The following TRPC6 variants were observed in gnomAD, a reference collection of about 807,000 sequenced individuals.
TRPC6 encodes the protein short transient receptor potential channel 6.
In TRPC6, 55 loss-of-function variants were observed where a neutral mutation model predicts 90.7. That is an observed-to-expected ratio of 0.61 (90% confidence interval 0.49 to 0.76). The LOEUF (loss-of-function observed/expected upper bound fraction) is 0.76, where lower values mean the gene tolerates loss of function less well. Ranked by LOEUF, TRPC6 falls within the 30% of genes least tolerant of loss-of-function variation. TRPC6 has a pLI of 0.00. For synonymous variants in TRPC6, 393 were observed against 393.0 expected, an observed-to-expected ratio of 1.00 and a Z score of 0.00; for missense variants, 989 against 1,122.7, an observed-to-expected ratio of 0.88 and a Z score of 1.70.
intron 1 of TRPC6, among the ~76,000 whole-genome samples, chr11:101,527,362 C>A (rs1175999129): frequency 6.6e-6 from 1 of 152,160 alleles, no homozygotes. Flanking sequence ...ACCTCTAGGA[C>A]ACTTAATAAT....
Position 101,491,670 on chromosome 11 carries a change from G to A in TRPC6, c.1014C>T (p.Asn338=). Residue 338 remains asparagine, a synonymous_variant, in exon 3 of 13, where the codon AAC becomes AAT. Transcript: ENST00000344327. ...FVVGLLDLCR[N]TEEVEAILNG... is the part of the protein sequence containing the mutation. ...TCAGAATGGCCTCGACTTCTTCAGT[G>A]TTTCTGCACAGATCAAGGAGTCCAA... 1.2e-6 allele frequency: 2 copies of A among 1,613,898 alleles called. No individual in the cohort carries two copies. The highest frequency in any genetic ancestry group is 2.2e-5 in the East Asian group (1 of 44,846).
At chr11:101,462,547 T>C (rs1416106425) in intron 10 of TRPC6, among the ~76,000 whole-genome samples, 1 of 152,186 alleles carries the variant, frequency 6.6e-6, no homozygotes, top group Non-Finnish European at 1.5e-5. Flanking sequence ...GTTGCATTCC[T>C]AGGTATTTTA....
intron 1 of TRPC6, among the ~76,000 whole-genome samples, chr11:101,573,758 C>T (rs1472605437): frequency 3.3e-5 from 5 of 152,052 alleles, no homozygotes; most frequent in African/African-American, 1.2e-4. Context: ...TTCTTGCAAT[C>T]GCTGTCAGTC....
At chr11:101,507,460 C>T (rs1051467582) in intron 1 of TRPC6, among the ~76,000 whole-genome samples, 1 of 151,772 alleles carries the variant, frequency 6.6e-6, no homozygotes, top group Non-Finnish European at 1.5e-5. Context: ...TATTGGGGTC[C>T]TTGTTTTCTG....
chr11:101,513,099 AC>A (rs1860435019), intron 1 of TRPC6, among the ~76,000 whole-genome samples: 1 of 152,242 alleles, frequency 6.6e-6, no homozygotes, highest in African/African-American at 2.4e-5. Flanking sequence ...TAACCATAAG[AC>A]AAGGGACACC....
chr11:101,461,919 A>C (rs917606850), intron 10 of TRPC6, among the ~76,000 whole-genome samples: 3 of 152,138 alleles, frequency 2.0e-5, no homozygotes, highest in Admixed American at 1.3e-4. Context: ...AGCAAAATAT[A>C]CTTCCTACCA....
chr11:101,471,145 A>C, intron 9 of TRPC6, 38 bp downstream of exon 9: 8 of 1,607,862 alleles, frequency 5.0e-6, no homozygotes, highest in Non-Finnish European at 6.8e-6. Context: ...TAGTCACAAA[A>C]TTTAAGAATA....
intron 1 of TRPC6, among the ~76,000 whole-genome samples, chr11:101,564,726 C>T (rs934994712): frequency 1.3e-5 from 2 of 151,850 alleles, no homozygotes; most frequent in African/African-American, 2.4e-5. Context: ...AATTCTAAAA[C>T]GTATACAGAA....
intron 1 of TRPC6, among the ~76,000 whole-genome samples, chr11:101,508,623 T>C (rs537630276): frequency 3.2e-4 from 48 of 152,246 alleles, no homozygotes; most frequent in African/African-American, 1.0e-3. Flanking sequence ...GTTTCTATTG[T>C]AGACAAGAGG....
At chr11:101,506,915 T>C (rs1391173278) in intron 1 of TRPC6, among the ~76,000 whole-genome samples, 1 of 152,004 alleles carries the variant, frequency 6.6e-6, no homozygotes, top group African/African-American at 2.4e-5. Context: ...CACATAGCTT[T>C]GGTTATATTG....
At chr11:101,571,876 T>G (rs1369792619) in intron 1 of TRPC6, among the ~76,000 whole-genome samples, 3 of 152,050 alleles carry the variant, frequency 2.0e-5, no homozygotes, top group Admixed American at 2.0e-4. Context: ...AATTCAAGAT[T>G]GATTAAAGAC....
chr11:101,554,702 A>G (rs558380435), intron 1 of TRPC6, among the ~76,000 whole-genome samples: 1 of 152,326 alleles, frequency 6.6e-6, no homozygotes, highest in African/African-American at 2.4e-5. Flanking sequence ...TTTAAAAAAC[A>G]AAGATGAAAA....
chr11:101,503,889 G>C (rs947645702), intron 2 of TRPC6, 135 bp downstream of exon 2: 10 of 1,089,398 alleles, frequency 9.2e-6, no homozygotes, highest in Non-Finnish European at 1.4e-5. Context: ...TTATAATAAA[G>C]AGCTTGTTGA....
intron 2 of TRPC6, among the ~76,000 whole-genome samples, chr11:101,494,930 T>C (rs1263926825): frequency 6.6e-6 from 1 of 152,220 alleles, no homozygotes; most frequent in Non-Finnish European, 1.5e-5. Flanking sequence ...TTTTCAGTTA[T>C]TGACATTACT....
At chr11:101,478,201 C>G (rs1859459390) in intron 5 of TRPC6, among the ~76,000 whole-genome samples, 1 of 152,192 alleles carries the variant, frequency 6.6e-6, no homozygotes, top group South Asian at 2.1e-4. Flanking sequence ...TGTGCCTTTT[C>G]TTAAAGCCAG....
chr11:101,459,873 C>T (rs574425790), intron 10 of TRPC6, among the ~76,000 whole-genome samples: 1 of 152,240 alleles, frequency 6.6e-6, no homozygotes, highest in South Asian at 2.1e-4. Context: ...GAGTATATTA[C>T]ATTTGCGTAG....
At chr11:101,544,947 T>C (rs907867950) in intron 1 of TRPC6, among the ~76,000 whole-genome samples, 2 of 152,192 alleles carry the variant, frequency 1.3e-5, no homozygotes, top group African/African-American at 4.8e-5. Context: ...GGAATGTACT[T>C]GGAGCACCAG....
chr11:101,490,255 G>T (rs1055084058), intron 3 of TRPC6, among the ~76,000 whole-genome samples: 13 of 152,106 alleles, frequency 8.5e-5, no homozygotes, highest in African/African-American at 3.1e-4. Context: ...CCTTTAAAAA[G>T]ATAAAGTGGA....
chr11:101,453,720 T>G lies in TRPC6; in HGVS notation c.2574A>C (p.Ile858=), dbSNP rs751323115. The G allele has an allele frequency of 8.1e-6, 13 of 1,613,160 alleles. No homozygotes were observed. The highest frequency in any genetic ancestry group is 2.5e-6 in the Non-Finnish European group (3 of 1,179,328). ...CATATCTTTTAATGAGCCTTTTCAT[T>G]ATTTTCTAGAAAACAGAGAAAGGAG... is the stretch of plus-strand genomic sequence containing the variant. ...FNNPPRQYQK[I]MKRLIKRYVL... is the part of the protein sequence containing the mutation. Residue 858 remains isoleucine, a synonymous_variant, in exon 12 of 13, where the codon ATA becomes ATC. Coordinates refer to ENST00000344327, the MANE Select transcript of TRPC6 (RefSeq NM_004621.6).
Sources: allele counts gnomAD v4.1 joint callset (sites outside exome capture counted in the v4.1 genomes callset), GRCh38; gene constraint gnomAD v4.1.1; transcripts MANE v1.5; gene names NCBI Gene and HGNC (gene_info 2026-07-23, HGNC 2026-07-21).